The following CCDC74B variants were observed in gnomAD, a reference collection of about 807,000 sequenced individuals.
CCDC74B encodes coiled-coil domain-containing protein 74B.
In CCDC74B, 34 loss-of-function variants were observed where a neutral mutation model predicts 38.0. That is an observed-to-expected ratio of 0.89 (90% confidence interval 0.68 to 1.19). CCDC74B has a LOEUF of 1.19. CCDC74B is among the 50% of genes most tolerant of loss of function. The pLI is 0.00. For synonymous variants in CCDC74B, 132 were observed against 170.4 expected (o/e 0.77, Z 1.76); for missense variants, 358 against 406.0 (o/e 0.88, Z 1.02).
In CCDC74B at chr2:130,139,673, G is replaced by C; in HGVS notation, c.827C>G (p.Pro276Arg). The C allele has an allele frequency of 6.2e-7, 1 of 1,613,186 alleles. No individual in the cohort carries two copies. Among genetic ancestry groups the C allele is most frequent in the Non-Finnish European group, 8.5e-7 (1 of 1,179,984 alleles). ...LSKKCLLLSP[P>R]VAERAILPAL... ...GGGCAGGATGGCACGCTCCGCCACA[G>C]GTGGGCTCAGAAGCAGGCTGGGGGC... The change falls in exon 8 of 8, where the codon CCT becomes CGT. Residue 276 changes from proline to arginine, a missense_variant. Around this residue, in one of 3 missense-constraint regions of CCDC74B, gnomAD observed 213 missense variants for 212.3 expected, o/e 1.00. Transcript: ENST00000409943.
intron 7 of CCDC74B, 63 bp from the exon 8 acceptor site, chr2:130,139,753 C>G (rs180885011): frequency 6.2e-7 from 1 of 1,607,172 alleles, no homozygotes; most frequent in African/African-American, 1.3e-5. Context: ...GTGGGGAGTG[C>G]GGCCTGCATG....
chr2:130,141,072 C>A, intron 4 of CCDC74B, 86 bp downstream of exon 4: 1 of 1,597,368 alleles, frequency 6.3e-7, no homozygotes, highest in Non-Finnish European at 8.5e-7. Flanking sequence ...AGGGCGTGAG[C>A]CTAGTAAATG....
chr2:130,142,220 C>T lies in CCDC74B; in HGVS notation c.296-37G>A, dbSNP rs369555594. 8.9e-6 allele frequency: 14 copies of T among 1,569,556 alleles called. No individual in the cohort carries two copies. The highest frequency in any genetic ancestry group is 1.9e-4 in the Middle Eastern group (1 of 5,266). ...CGCACAGTGTCGGCGCTACCGCCCG[C>T]AAGACGCCCATGCTTGCCTCCTGGC... On this transcript the variant is annotated intron_variant, in intron 2 of 7. Transcript: ENST00000409943.
chr2:130,142,114 T>C lies in CCDC74B; in HGVS notation c.346+19A>G, dbSNP rs764270343. ...TGGGGCACTCACCCCTGTGAGCACA[T>C]GGACGCCAGCCTGCTCACCTGAATT... On this transcript the variant is annotated intron_variant, in intron 3 of 7. Transcript: ENST00000409943. The C allele has an allele frequency of 1.2e-6, 2 of 1,610,796 alleles. No homozygotes were observed. The highest frequency in any genetic ancestry group is 1.7e-6 in the Non-Finnish European group (2 of 1,178,474).
At chr2:130,139,764 G>A in intron 7 of CCDC74B, 74 bp from the exon 8 acceptor site, 4 of 1,606,620 alleles carry the variant, frequency 2.5e-6, no homozygotes, top group Non-Finnish European at 3.4e-6. Flanking sequence ...GGCCTGCATG[G>A]CCCTCACGGG....
chr2:130,144,529 G>T (rs113940060), intron 1 of CCDC74B: 2 of 1,547,536 alleles, frequency 1.3e-6, no homozygotes, highest in African/African-American at 2.8e-5. Flanking sequence ...TGCTGCCCTA[G>T]GAGACAGGCA....
chr2:130,143,008 T>A (rs1394684230), intron 2 of CCDC74B: 1 of 1,498,966 alleles, frequency 6.7e-7, no homozygotes. Context: ...AGGAGGGAGG[T>A]CTGGGGAGCA....
intron 2 of CCDC74B, chr2:130,142,880 C>G (rs149602447): frequency 1.1e-4 from 169 of 1,550,340 alleles, no homozygotes; most frequent in African/African-American, 7.1e-4. Context: ...CCCAGCATGT[C>G]AGGACTCAGA....
intron 2 of CCDC74B, 115 bp from the exon 3 acceptor site, chr2:130,142,298 GCTCT>G: frequency 6.2e-7 from 1 of 1,608,572 alleles, no homozygotes. Flanking sequence ...GGTCCTCCCG[GCTCT>G]ACCCACACTC....
chr2:130,139,740 T>C (rs546608145), intron 7 of CCDC74B, 50 bp from the exon 8 acceptor site: 55 of 1,610,034 alleles, frequency 3.4e-5, no homozygotes, highest in Admixed American at 6.7e-5. Context: ...GCGAGTGGAG[T>C]GTGTGGGGAG....
rs1469131678 is a variant in CCDC74B, at chr2:130,143,286, T to C, written c.278A>G (p.Gln93Arg). 2.5e-6 allele frequency: 4 copies of C among 1,613,982 alleles called. No individual in the cohort carries two copies. The South Asian group carries it at 3.3e-5, about 13-fold the overall frequency. ...GTTCTCACCTTTCTTCTGTGATGTC[T>C]GATTCATTATGAGCTTGTAACGGAG... ...KDLRYKLIMN[Q>R]TSQKKDSLST... Residue 93 changes from glutamine (Q) to arginine (R), a missense_variant, in exon 2 of 8, where the codon CAG becomes CGG. Around this residue, in one of 3 missense-constraint regions of CCDC74B, gnomAD observed 128 missense variants for 146.7 expected, o/e 0.87. Coordinates refer to ENST00000409943, the MANE Select transcript of CCDC74B (RefSeq NM_001258307.2).
chr2:130,144,149 G>T (rs1480726886), intron 1 of CCDC74B, among the ~76,000 whole-genome samples: 1 of 151,882 alleles, frequency 6.6e-6, no homozygotes, highest in African/African-American at 2.4e-5. Context: ...GTTTGTTTTT[G>T]TTTTTTTTGA....
chr2:130,143,889 C>T (rs1473445359), intron 1 of CCDC74B, among the ~76,000 whole-genome samples: 8 of 136,802 alleles, frequency 5.8e-5, no homozygotes, highest in South Asian at 2.7e-4. Flanking sequence ...CACATCCTGG[C>T]GGGCCCTCCT....
At chr2:130,144,239 A>G (rs993053269) in intron 1 of CCDC74B, 1 of 375,438 alleles carries the variant, frequency 2.7e-6, no homozygotes, top group Admixed American at 3.6e-5. Context: ...TCCCGGGTTC[A>G]CGCCATTCTC....
rs771619933 is a variant in CCDC74B at position 130,144,951 on chromosome 2, G to A, written c.46C>T (p.Pro16Ser). The A allele has an allele frequency of 1.1e-5, 16 of 1,496,252 alleles. No homozygotes were observed. Among genetic ancestry groups the A allele is most frequent in the African/African-American group, 1.4e-5 (1 of 70,526 alleles). 92.7% of individuals were successfully genotyped at this position (1,496,252 alleles called of 1,614,324 possible). Residue 16 changes from proline to serine, a missense_variant, in exon 1 of 8, where the codon CCG (proline) becomes TCG (serine). Around this residue, in one of 3 missense-constraint regions of CCDC74B, gnomAD observed 128 missense variants for 146.7 expected, o/e 0.87. Transcript: ENST00000409943. ...VAAGTRPPSSPTPGSRRRRQR... is the reference protein window; with the variant it reads ...VAAGTRPPSSSTPGSRRRRQR... ...CGCCGGCGCCGAGAGCCCGGGGTCG[G>A]CGAGCTGGGGGGCCGCGTCCCAGCC...
chr2:130,139,619 A>C lies in CCDC74B; in HGVS notation c.881T>G (p.Phe294Cys). 6.2e-7 allele frequency: 1 copy of C among 1,613,416 alleles called. No homozygotes were observed. The highest frequency in any genetic ancestry group is 1.3e-5 in the African/African-American group (1 of 75,040). ...PALKQTPKNN[F>C]AERQKRLQAM... Reference sequence around the variant, plus strand: ...CTGCAGCCTCTTCTGCCTCTCGGCAAAGTTGTTCTTCGGGGTCTGCTTCAG... The same window carrying C: ...CTGCAGCCTCTTCTGCCTCTCGGCACAGTTGTTCTTCGGGGTCTGCTTCAG... Residue 294 changes from phenylalanine to cysteine, a missense_variant, in exon 8 of 8, where the codon TTT (phenylalanine) becomes TGT (cysteine). Transcript: ENST00000409943.
rs1489864121 is a variant in CCDC74B, at chr2:130,139,934, T to G, written c.766A>C (p.Thr256Pro). The change falls in exon 7 of 8, where the codon ACG (threonine) becomes CCG (proline). Residue 256 changes from threonine (T) to proline (P), a missense_variant. Thr to Pro is a conservative substitution (Grantham distance 38, BLOSUM62 -1). This residue lies in a region of CCDC74B where 213 missense variants were observed against 212.3 expected (regional missense o/e 1.00). Coordinates refer to ENST00000409943, the MANE Select transcript of CCDC74B (RefSeq NM_001258307.2). ...EASFPRDQEATHFPKVSTKSL... is the reference protein window; with the variant it reads ...EASFPRDQEAPHFPKVSTKSL... ...TTGGTGGAGACCTTGGGGAAATGCG[T>G]GGCTTCTTGGTCCCTGGGTGAAGGA... 7.4e-6 allele frequency: 12 copies of G among 1,611,936 alleles called. No homozygotes were observed. The highest frequency in any genetic ancestry group is 1.0e-5 in the Non-Finnish European group (12 of 1,179,108).
rs766502120 is a variant in CCDC74B at position 130,145,039 on chromosome 2, C to A, written c.-43G>T. On this transcript the variant is annotated 5_prime_UTR_variant, in exon 1 of 8. Coordinates refer to ENST00000409943, the MANE Select transcript of CCDC74B (RefSeq NM_001258307.2). ...CTCTCCCGCTGCCACTGCACCCCGG[C>A]TCAGTGGCCAGGCCGCCCTAGCCTG... 9 of 1,404,282 alleles carry A rather than the reference C, an allele frequency of 6.4e-6. No individual in the cohort carries two copies. The South Asian group carries it at 1.4e-4, about 22-fold the overall frequency. The allele number at this position is 1,404,282 out of a possible 1,614,324, so 87.0% of individuals were successfully genotyped here.
intron 1 of CCDC74B, among the ~76,000 whole-genome samples, chr2:130,143,724 G>T (rs1685827078): frequency 6.6e-6 from 1 of 152,078 alleles, no homozygotes; most frequent in South Asian, 2.1e-4. Context: ...AGAAGACATG[G>T]GGAAGCGGGG....
Sources: gnomAD v4.1 joint callset for allele counts (sites outside exome capture counted in the v4.1 genomes callset) on GRCh38, gnomAD v4.1.1 for gene constraint, gnomAD v4.1.1 regional missense constraint, MANE v1.5 for transcripts, NCBI Gene and HGNC (gene_info 2026-07-23, HGNC 2026-07-21) for gene names.